Variants in PLB1 observed in about 807,000 individuals in gnomAD.
The protein encoded by PLB1 is phospholipase B1.
Under a neutral mutation model 227.4 loss-of-function variants are expected in PLB1, and 242 were observed. The ratio of observed to expected loss-of-function variants is 1.06; its 90% confidence interval spans 0.96 to 1.18. The LOEUF is 1.18. Among genes scored for constraint, PLB1 ranks in the 50% most tolerant of loss-of-function variants. The pLI, the probability that PLB1 is intolerant of heterozygous loss-of-function variation, is 0.00. For missense variants in PLB1, 1,858 were observed against 1,816.3 expected (o/e 1.02, Z -0.42); for synonymous variants, 757 against 682.2 (o/e 1.11, Z -1.71).
chr2:28,514,847 AT>A (rs1009798189), intron 1 of PLB1, among the ~76,000 whole-genome samples: 26 of 151,868 alleles, frequency 1.7e-4, no homozygotes, highest in Non-Finnish European at 1.0e-4. Flanking sequence ...TTTTTATTTT[AT>A]TTTTTTATTT....
chr2:28,572,458 TAGC>T (rs1573059742), intron 20 of PLB1, among the ~76,000 whole-genome samples: 1 of 152,198 alleles, frequency 6.6e-6, no homozygotes, highest in Non-Finnish European at 1.5e-5. Context: ...CAAATGTTCA[TAGC>T]AGCATTTTTC....
intron 35 of PLB1, among the ~76,000 whole-genome samples, chr2:28,599,063 C>G (rs1683450206): frequency 6.6e-6 from 1 of 152,234 alleles, no homozygotes; most frequent in African/African-American, 2.4e-5. Flanking sequence ...CAAGGCACAA[C>G]AGTGCTAGAG....
intron 56 of PLB1, among the ~76,000 whole-genome samples, chr2:28,636,571 A>G (rs554880798): frequency 6.6e-6 from 1 of 152,126 alleles, no homozygotes; most frequent in East Asian, 1.9e-4. Flanking sequence ...CAAACTAGAA[A>G]CTCCCCAAAT....
chr2:28,590,083 T>C lies in PLB1; in HGVS notation c.2088+7T>C. Reference sequence around the variant, plus strand: ...TATCACATGTCCGAACCAGGTAGAGTGGAAAGCACGTCCTTCCAGGCTCCG... The same window carrying C: ...TATCACATGTCCGAACCAGGTAGAGCGGAAAGCACGTCCTTCCAGGCTCCG... On this transcript the variant is annotated splice_region_variant and intron_variant, in intron 29 of 57. Transcript: ENST00000327757. 6.2e-7 allele frequency: 1 copy of C among 1,607,318 alleles called. No homozygotes were observed.
intron 38 of PLB1, 63 bp from the exon 39 acceptor site, chr2:28,602,758 C>A: frequency 7.0e-7 from 1 of 1,427,282 alleles, no homozygotes; most frequent in East Asian, 2.3e-5. Context: ...TTCCTAGGGG[C>A]CCTGAGACAG....
At chr2:28,501,208 G>T (rs1667055902) in intron 1 of PLB1, among the ~76,000 whole-genome samples, 1 of 151,462 alleles carries the variant, frequency 6.6e-6, no homozygotes, top group Non-Finnish European at 1.5e-5. Context: ...TATTTGTATT[G>T]TCCTTCACCC....
chr2:28,557,049 A>C (rs1313992767), intron 17 of PLB1, among the ~76,000 whole-genome samples: 2 of 152,094 alleles, frequency 1.3e-5, no homozygotes, highest in African/African-American at 4.8e-5. Flanking sequence ...CCACCTACTC[A>C]GGGGTCTTGT....
At chr2:28,517,481 G>C (rs540346504) in intron 2 of PLB1, among the ~76,000 whole-genome samples, 12 of 152,222 alleles carry the variant, frequency 7.9e-5, no homozygotes, top group African/African-American at 2.9e-4. Context: ...CCTGAGTACT[G>C]GTCACCAATT....
At chr2:28,578,312 G>A (rs1679342216) in intron 22 of PLB1, among the ~76,000 whole-genome samples, 154 bp downstream of exon 22, 1 of 152,190 alleles carries the variant, frequency 6.6e-6, no homozygotes, top group South Asian at 2.1e-4. Context: ...ATTCCTATTT[G>A]TTCAGTCAGT....
At chr2:28,622,481 GC>G (rs1354582785) in intron 49 of PLB1, among the ~76,000 whole-genome samples, 6 of 152,198 alleles carry the variant, frequency 3.9e-5, no homozygotes, top group Non-Finnish European at 7.3e-5. Context: ...CCAAAAGTTT[GC>G]CATTTAATAA....
intron 7 of PLB1, 99 bp from the exon 8 acceptor site, chr2:28,529,629 C>A: frequency 7.8e-7 from 1 of 1,288,916 alleles, no homozygotes; most frequent in Non-Finnish European, 1.1e-6. Flanking sequence ...GTGGATAAAG[C>A]TTAGAGACTG....
At chr2:28,569,288 C>G (rs1528178) in intron 20 of PLB1, among the ~76,000 whole-genome samples, 119,264 of 152,116 alleles carry the variant, frequency 0.78, 47,311 homozygotes, top group Middle Eastern at 0.85. Context: ...CCAAGCTTGT[C>G]TGAACTTTGT....
chr2:28,578,984 G>C (rs932692811), intron 22 of PLB1, among the ~76,000 whole-genome samples: 1 of 152,116 alleles, frequency 6.6e-6, no homozygotes. Flanking sequence ...TTTATGGAAT[G>C]TGTATGGCTG....
At chr2:28,553,817 A>C (rs1388198039) in intron 17 of PLB1, among the ~76,000 whole-genome samples, 4 of 152,156 alleles carry the variant, frequency 2.6e-5, no homozygotes, top group African/African-American at 4.8e-5. Context: ...ATTGTTTCTC[A>C]TGGCCTCAGG....
intron 1 of PLB1, among the ~76,000 whole-genome samples, chr2:28,515,561 T>C (rs1668747905): frequency 6.6e-6 from 1 of 152,216 alleles, no homozygotes; most frequent in Non-Finnish European, 1.5e-5. Flanking sequence ...TGGAAATCAG[T>C]GCCTGATCTC....
At chr2:28,584,488 C>T (rs1293156235) in intron 25 of PLB1, among the ~76,000 whole-genome samples, 4 of 152,226 alleles carry the variant, frequency 2.6e-5, no homozygotes, top group African/African-American at 9.6e-5. Context: ...GTCTTCACTC[C>T]ATTTCAGAGC....
In PLB1 at chr2:28,566,838, G is replaced by A; in HGVS notation, c.1323G>A (p.Ala441=). Residue 441 remains alanine, a splice_region_variant and synonymous_variant, in exon 20 of 58, where the codon GCG becomes GCA. Coordinates refer to ENST00000327757, the MANE Select transcript of PLB1 (RefSeq NM_153021.5). ...DENIGTVTTL[A]NILREFNPSL... The stretch of plus-strand genomic sequence containing the variant: ...ACATCGGCACCGTTACCACCCTGGC[G>A]AGTGAGTACGCGGCGGCGGCCGGGA... 5 of 1,614,000 alleles carry A rather than the reference G, an allele frequency of 3.1e-6. No individual in the cohort carries two copies. The highest frequency in any genetic ancestry group is 4.2e-6 in the Non-Finnish European group (5 of 1,180,022).
intron 11 of PLB1, among the ~76,000 whole-genome samples, chr2:28,540,142 A>AC (rs1053589939): frequency 1.6e-5 from 2 of 128,034 alleles, no homozygotes; most frequent in South Asian, 2.5e-4. Context: ...TCCAATACCC[A>AC]CCCCCCAGGA....
At position 28,563,026 on chromosome 2, in the gene PLB1, T is replaced by C; in HGVS notation, c.1148-15T>C. The C allele has an allele frequency of 6.2e-7, 1 of 1,611,494 alleles. No individual in the cohort carries two copies. Among genetic ancestry groups the C allele is most frequent in the Non-Finnish European group, 8.5e-7 (1 of 1,177,572 alleles). On this transcript the variant is annotated splice_polypyrimidine_tract_variant and intron_variant, in intron 17 of 57. Transcript: ENST00000327757. Reference sequence around the variant, plus strand: ...GGAAGCCCCATTTTCCACTCACTCCTGCTTATATTCTTAGTTCATAGGCTG... The same window carrying C: ...GGAAGCCCCATTTTCCACTCACTCCCGCTTATATTCTTAGTTCATAGGCTG...
Sources: gnomAD v4.1 joint callset for allele counts (sites outside exome capture counted in the v4.1 genomes callset) on GRCh38, gnomAD v4.1.1 for gene constraint, MANE v1.5 for transcripts, NCBI Gene and HGNC (gene_info 2026-07-23, HGNC 2026-07-21) for gene names.